The following TAFA2 variants were observed in gnomAD, a reference collection of about 807,000 sequenced individuals.
TAFA2 encodes the protein TAFA chemokine like family member 2.
A neutral mutation model predicts 18.8 loss-of-function variants in TAFA2; 7 were observed. The observed-to-expected ratio is 0.37, with a 90% CI of 0.21 to 0.70. The LOEUF (loss-of-function observed/expected upper bound fraction) is 0.70. Ranked by LOEUF, TAFA2 falls within the 30% of genes least tolerant of loss-of-function variation. TAFA2 has a pLI of 0.53. For missense variants in TAFA2, 122 were observed against 158.1 expected (o/e 0.77, Z 1.23); for synonymous variants, 60 against 54.2 (o/e 1.11, Z -0.47).
At chr12:62,178,593 G>A (rs115479808) in intron 1 of TAFA2, among the ~76,000 whole-genome samples, 2 of 152,242 alleles carry the variant, frequency 1.3e-5, no homozygotes, top group African/African-American at 4.8e-5. Flanking sequence ...TCATCATACA[G>A]CAAGCAGCAT....
intron 2 of TAFA2, among the ~76,000 whole-genome samples, chr12:61,797,233 T>C (rs1054032781): frequency 1.3e-5 from 2 of 152,058 alleles, no homozygotes; most frequent in Non-Finnish European, 2.9e-5. Flanking sequence ...TTTACCACAG[T>C]AACAATGCTG....
At chr12:61,964,991 A>G (rs1429912008) in intron 1 of TAFA2, among the ~76,000 whole-genome samples, 1 of 151,926 alleles carries the variant, frequency 6.6e-6, no homozygotes, top group Non-Finnish European at 1.5e-5. Context: ...GGTTACACAC[A>G]TGATGTACAT....
chr12:61,940,758 A>G (rs1877969201), intron 1 of TAFA2, among the ~76,000 whole-genome samples: 1 of 152,172 alleles, frequency 6.6e-6, no homozygotes, highest in Admixed American at 6.5e-5. Flanking sequence ...TGAAGAGGTG[A>G]GCAAGTAAGT....
intron 1 of TAFA2, among the ~76,000 whole-genome samples, chr12:62,052,197 C>A (rs372596555): frequency 1.9e-5 from 1 of 51,292 alleles, no homozygotes; most frequent in African/African-American, 4.9e-5. Context: ...TGCATGCGTG[C>A]GTGTGTGCAT....
intron 4 of TAFA2, among the ~76,000 whole-genome samples, chr12:61,738,296 C>CACACAA (rs1272708522): frequency 1.2e-4 from 16 of 134,618 alleles, no homozygotes; most frequent in Admixed American, 1.0e-3. Context: ...TGAAAACACA[C>CACACAA]ACACACACAC....
At chr12:61,797,674 G>T (rs1253330507) in intron 2 of TAFA2, among the ~76,000 whole-genome samples, 2 of 152,134 alleles carry the variant, frequency 1.3e-5, no homozygotes, top group Non-Finnish European at 2.9e-5. Flanking sequence ...TTCAATCAGT[G>T]CTTCGGCACT....
Position 62,220,494 on chromosome 12 carries a change from T to C in TAFA2, c.-130+38269A>G, listed in dbSNP as rs529294191. ...CATTTTGGGAGACAGTTTTGCAGTT[T>C]CTTACAAAATTAATTGCGGATGCAT... On this transcript the variant is annotated intron_variant, in intron 1 of 5. Coordinates refer to the TAFA2 transcript ENST00000551619. Among the ~76,000 whole-genome samples, 3 of 152,312 alleles carry C rather than the reference T, an allele frequency of 2.0e-5. No individual in the cohort carries two copies. The South Asian group carries it at 6.2e-4, about 32-fold the overall frequency.
At chr12:62,183,665 G>A (rs561864411) in intron 1 of TAFA2, among the ~76,000 whole-genome samples, 2 of 152,266 alleles carry the variant, frequency 1.3e-5, no homozygotes, top group African/African-American at 4.8e-5. Flanking sequence ...GATTACAAGC[G>A]TGAGTCACTG....
At chr12:61,781,103 G>T (rs138164097) in intron 2 of TAFA2, among the ~76,000 whole-genome samples, 3 of 151,750 alleles carry the variant, frequency 2.0e-5, no homozygotes, top group Non-Finnish European at 4.4e-5. Context: ...GAGATAAAAG[G>T]CTGGTTGAGG....
chr12:62,227,936 C>A (rs1319357460), intron 1 of TAFA2, among the ~76,000 whole-genome samples: 4 of 151,820 alleles, frequency 2.6e-5, no homozygotes, highest in Admixed American at 2.0e-4. Flanking sequence ...GGATTTATTT[C>A]TTGATTCTCT....
chr12:62,120,726 T>C (rs1870154686), intron 1 of TAFA2, among the ~76,000 whole-genome samples: 1 of 152,112 alleles, frequency 6.6e-6, no homozygotes, highest in South Asian at 2.1e-4. Context: ...TTTTCCAGTC[T>C]CTCCTGTTCT....
At chr12:61,835,083 T>A (rs1232679266) in intron 2 of TAFA2, among the ~76,000 whole-genome samples, 1 of 140,742 alleles carries the variant, frequency 7.1e-6, no homozygotes, top group Non-Finnish European at 1.6e-5. Flanking sequence ...TTTCCACTCA[T>A]TGCCTGAGGG....
intron 1 of TAFA2, among the ~76,000 whole-genome samples, chr12:62,220,554 TA>T (rs1161346215): frequency 2.0e-5 from 3 of 152,206 alleles, no homozygotes; most frequent in East Asian, 3.9e-4. Context: ...ACAAAATATA[TA>T]ACATCAAGGG....
At chr12:62,043,267 G>A (rs1174690626) in intron 1 of TAFA2, among the ~76,000 whole-genome samples, 1 of 152,136 alleles carries the variant, frequency 6.6e-6, no homozygotes, top group Non-Finnish European at 1.5e-5. Flanking sequence ...TATACACCAT[G>A]GAATACTATG....
At chr12:62,254,667 T>C (rs2062930169) in intron 1 of TAFA2, among the ~76,000 whole-genome samples, 1 of 152,312 alleles carries the variant, frequency 6.6e-6, no homozygotes, top group East Asian at 1.9e-4. Context: ...TAGACTTGTT[T>C]TTTACTTCAT....
chr12:62,154,578 G>A (rs1592370338), intron 1 of TAFA2, among the ~76,000 whole-genome samples: 1 of 152,136 alleles, frequency 6.6e-6, no homozygotes, highest in East Asian at 1.9e-4. Context: ...AATTATAAGA[G>A]ATAATATATT....
At chr12:61,768,749 G>A (rs960657331) in intron 2 of TAFA2, among the ~76,000 whole-genome samples, 19 of 152,096 alleles carry the variant, frequency 1.2e-4, no homozygotes, top group African/African-American at 4.6e-4. Flanking sequence ...CAGTGGAATT[G>A]GAGAAAGACC....
intron 2 of TAFA2, among the ~76,000 whole-genome samples, chr12:61,788,019 G>A (rs897440541): frequency 6.6e-6 from 1 of 151,642 alleles, no homozygotes; most frequent in Non-Finnish European, 1.5e-5. Context: ...GATATTACAT[G>A]CAAATGAAAA....
At chr12:62,126,981 C>G (rs1870487231) in intron 1 of TAFA2, among the ~76,000 whole-genome samples, 1 of 152,036 alleles carries the variant, frequency 6.6e-6, no homozygotes, top group South Asian at 2.1e-4. Flanking sequence ...CACCCATGTA[C>G]TTGACTAGCC....
Sources: allele counts gnomAD v4.1 joint callset (sites outside exome capture counted in the v4.1 genomes callset), GRCh38; gene constraint gnomAD v4.1.1; transcripts MANE v1.5; gene names NCBI Gene and HGNC (gene_info 2026-07-23, HGNC 2026-07-21).